Variants in MYO16 observed in about 807,000 individuals in gnomAD.
MYO16 encodes unconventional myosin-XVI.
In MYO16, 94 loss-of-function variants were observed where a neutral mutation model predicts 205.3. The ratio of observed to expected loss-of-function variants is 0.46; its 90% CI spans 0.39 to 0.54. The LOEUF is 0.54. Ranked by LOEUF, MYO16 falls within the 20% of genes least tolerant of loss-of-function variation. The probability of loss-of-function intolerance (pLI) is 0.00; values close to 1 mark genes in which losing one functional copy is unlikely to be tolerated. For missense variants in MYO16, 2,315 were observed against 2,387.5 expected (o/e 0.97, Z 0.63); for synonymous variants, 988 against 954.0 (o/e 1.04, Z -0.66).
intron 14 of MYO16, among the ~76,000 whole-genome samples, chr13:108,894,170 C>T (rs568141743): frequency 9.2e-5 from 14 of 152,212 alleles, no homozygotes; most frequent in Admixed American, 7.8e-4. Context: ...AATGCCTTCA[C>T]GATCATGAGA....
intron 14 of MYO16, among the ~76,000 whole-genome samples, chr13:108,895,695 C>G (rs1293374923): frequency 1.3e-5 from 2 of 152,192 alleles, no homozygotes; most frequent in African/African-American, 4.8e-5. Flanking sequence ...CTTGGGAAAA[C>G]TAATTGGTCT....
intron 1 of MYO16, among the ~76,000 whole-genome samples, chr13:108,639,053 G>A (rs1219679694): frequency 6.6e-6 from 1 of 152,222 alleles, no homozygotes; most frequent in Admixed American, 6.5e-5. Flanking sequence ...CAAGTCTGAT[G>A]TGTTTCTGTG....
chr13:108,915,941 G>C (rs1256656524), intron 16 of MYO16, among the ~76,000 whole-genome samples: 1 of 152,156 alleles, frequency 6.6e-6, no homozygotes, highest in Non-Finnish European at 1.5e-5. Flanking sequence ...GGGAAGCCAC[G>C]GCAAGCAGCT....
At chr13:108,657,433 T>G (rs1431460463) in intron 1 of MYO16, among the ~76,000 whole-genome samples, 6 of 152,230 alleles carry the variant, frequency 3.9e-5, no homozygotes, top group Admixed American at 2.6e-4. Context: ...TAATGAATGC[T>G]ATACTATTTT....
At chr13:108,898,183 G>A (rs202192112) in intron 15 of MYO16, 50 bp downstream of exon 15, 23 of 1,419,130 alleles carry the variant, frequency 1.6e-5, no homozygotes, top group East Asian at 4.6e-5. Flanking sequence ...GCCAGCATGC[G>A]ACCACGTCAC....
intron 1 of MYO16, among the ~76,000 whole-genome samples, chr13:108,657,453 T>C (rs893950722): frequency 1.3e-5 from 2 of 152,254 alleles, no homozygotes; most frequent in African/African-American, 4.8e-5. Context: ...TGTGTTTGTT[T>C]AATTTTATCT....
intron 15 of MYO16, among the ~76,000 whole-genome samples, chr13:108,905,898 G>A (rs923847475): frequency 3.3e-5 from 5 of 152,098 alleles, no homozygotes; most frequent in South Asian, 2.1e-4. Context: ...GCAAGCATTC[G>A]GCAAGCTCAA....
intron 9 of MYO16, among the ~76,000 whole-genome samples, chr13:108,823,795 T>A (rs1483899292): frequency 2.0e-5 from 3 of 152,098 alleles, no homozygotes; most frequent in Admixed American, 2.0e-4. Context: ...CAACTTACAT[T>A]CAAATTCATG....
intron 4 of MYO16, among the ~76,000 whole-genome samples, chr13:108,779,384 A>C (rs1886227153): frequency 6.6e-6 from 1 of 152,242 alleles, no homozygotes; most frequent in African/African-American, 2.4e-5. Flanking sequence ...TGATCAAGAT[A>C]ACTGAAGAAT....
intron 28 of MYO16, among the ~76,000 whole-genome samples, chr13:109,110,102 C>T (rs1889239326): frequency 6.6e-6 from 1 of 152,230 alleles, no homozygotes; most frequent in South Asian, 2.1e-4. Flanking sequence ...GACATACAGT[C>T]CCATGGGGCA....
At chr13:108,704,110 A>G (rs568750377) in intron 2 of MYO16, among the ~76,000 whole-genome samples, 1 of 152,336 alleles carries the variant, frequency 6.6e-6, no homozygotes, top group South Asian at 2.1e-4. Context: ...TTGGACTTCT[A>G]GTTTCCAGAA....
At chr13:109,133,741 CA>C (rs964590443) in intron 31 of MYO16, among the ~76,000 whole-genome samples, 2 of 152,042 alleles carry the variant, frequency 1.3e-5, no homozygotes, top group East Asian at 1.9e-4. Context: ...AATATTAGAA[CA>C]AAAAAATAAG....
chr13:108,910,211 T>A, intron 16 of MYO16, 61 bp downstream of exon 16: 1 of 1,488,564 alleles, frequency 6.7e-7, no homozygotes, highest in Non-Finnish European at 9.2e-7. Context: ...TGCAATTTGG[T>A]AGTCTTAAAT....
At chr13:108,541,166 A>G in the MYO16 span, among the ~76,000 whole-genome samples, 3 of 151,994 alleles carry the variant, frequency 2.0e-5, no homozygotes, top group African/African-American at 4.8e-5. Flanking sequence ...AATATTGACT[A>G]TTTGTGACAA....
chr13:108,653,520 C>A (rs1430776043), intron 1 of MYO16, among the ~76,000 whole-genome samples: 5 of 151,872 alleles, frequency 3.3e-5, no homozygotes, highest in Non-Finnish European at 5.9e-5. Flanking sequence ...AAGAGTTTTA[C>A]AATTTTAGGT....
At position 109,123,436 on chromosome 13, in the gene MYO16, A is replaced by G. The variant is rs374696431; in HGVS notation, c.3536-1676A>G. On this transcript the variant is annotated intron_variant, in intron 29 of 34. Coordinates refer to ENST00000457511, the MANE Select transcript of MYO16 (RefSeq NM_001198950.3). ...CTCTCTTTCACCCTTCCGAAAGCCAATGTCTCCCTTTTTTTTTAGTGTAAC... is the reference window on the plus strand; with the variant it reads ...CTCTCTTTCACCCTTCCGAAAGCCAGTGTCTCCCTTTTTTTTTAGTGTAAC... Among the ~76,000 whole-genome samples the G allele has an allele frequency of 1.1e-4, 17 of 152,242 alleles. No individual in the cohort carries two copies. In the East Asian group the frequency reaches 2.7e-3, roughly 24 times the overall value.
At chr13:109,069,811 A>G (rs1287791854) in intron 27 of MYO16, among the ~76,000 whole-genome samples, 1 of 152,098 alleles carries the variant, frequency 6.6e-6, no homozygotes, top group African/African-American at 2.4e-5. Flanking sequence ...GGATTTGGAG[A>G]CTTCAACATA....
At chr13:108,860,720 G>C (rs142189844) in intron 11 of MYO16, among the ~76,000 whole-genome samples, 2 of 152,150 alleles carry the variant, frequency 1.3e-5, no homozygotes, top group East Asian at 3.9e-4. Context: ...AATAAATGGT[G>C]CTGGGACAAC....
chr13:109,094,368 G>A (rs1888711932), intron 27 of MYO16, among the ~76,000 whole-genome samples: 1 of 152,002 alleles, frequency 6.6e-6, no homozygotes, highest in Non-Finnish European at 1.5e-5. Context: ...GTGCCACCAT[G>A]TCTGCTTAAT....
Sources: gnomAD v4.1 joint callset for allele counts (sites outside exome capture counted in the v4.1 genomes callset) on GRCh38, gnomAD v4.1.1 for gene constraint, MANE v1.5 for transcripts, NCBI Gene and HGNC (gene_info 2026-07-23, HGNC 2026-07-21) for gene names.